DPCD: variants seen among roughly 807,000 people sequenced by gnomAD.
DPCD encodes the protein deleted in primary ciliary dyskinesia homolog (mouse).
In DPCD, 20 loss-of-function variants were observed where a neutral mutation model predicts 26.4. That is an observed-to-expected ratio of 0.76 (90% CI 0.53 to 1.10). DPCD has a LOEUF of 1.10. Among genes scored for constraint, DPCD ranks in the 50% least tolerant of loss-of-function variants. The pLI is 0.00. For missense variants in DPCD, 202 were observed against 253.9 expected (o/e 0.80, Z 1.39); for synonymous variants, 97 against 94.2 (o/e 1.03, Z -0.17).
chr10:101,592,035 C>G (rs943558379), intron 1 of DPCD, among the ~76,000 whole-genome samples: 2 of 151,888 alleles, frequency 1.3e-5, no homozygotes, highest in Non-Finnish European at 2.9e-5. Context: ...CATGCATACA[C>G]TCACAGTTAT....
chr10:101,605,160 T>C, intron 4 of DPCD: 2 of 1,550,566 alleles, frequency 1.3e-6, no homozygotes, highest in Non-Finnish European at 8.7e-7. Context: ...TGGAGGCTTC[T>C]CTGGACCCCT....
At chr10:101,596,335 G>A (rs962668258) in intron 2 of DPCD, among the ~76,000 whole-genome samples, 65 of 152,232 alleles carry the variant, frequency 4.3e-4, no homozygotes, top group African/African-American at 1.5e-3. Flanking sequence ...AGTGCTCTAC[G>A]TGAATTACCT....
At chr10:101,594,985 C>T (rs1041124141) in intron 2 of DPCD, among the ~76,000 whole-genome samples, 8 of 152,020 alleles carry the variant, frequency 5.3e-5, no homozygotes, top group Non-Finnish European at 1.2e-4. Flanking sequence ...GGGAGTAATT[C>T]TAAGATGTAG....
At chr10:101,605,576 C>T (rs1160093930) in intron 4 of DPCD, among the ~76,000 whole-genome samples, 1 of 152,210 alleles carries the variant, frequency 6.6e-6, no homozygotes, top group Non-Finnish European at 1.5e-5. Flanking sequence ...AGTTCTGCTA[C>T]AAGCCTTTAC....
intron 4 of DPCD, among the ~76,000 whole-genome samples, chr10:101,605,777 C>T (rs1226806163): frequency 1.3e-5 from 2 of 152,080 alleles, no homozygotes; most frequent in South Asian, 2.1e-4. Context: ...TAGACTATGG[C>T]GGGCTATTAC....
In DPCD at chr10:101,608,863, C is replaced by G. The variant is rs140479530; in HGVS notation, c.433C>G (p.Leu145Val). The G allele has an allele frequency of 6.2e-7, 1 of 1,613,830 alleles. No homozygotes were observed. Among genetic ancestry groups the G allele is most frequent in the South Asian group, 1.1e-5 (1 of 91,054 alleles). Residue 145 changes from leucine (L) to valine (V), a missense_variant, in exon 5 of 6, where the codon CTA (leucine) becomes GTA (valine). Transcript: ENST00000370151. The stretch of plus-strand genomic sequence containing the variant: ...CTACAAGAAGTTCTCCATTCCTGAT[C>G]TAGATAGACACCAGCTACCTCTGGA... The part of the protein sequence containing the change: ...KYYKKFSIPD[L>V]DRHQLPLDDA...
chr10:101,589,698 A>T (rs1442014534), intron 1 of DPCD, among the ~76,000 whole-genome samples: 3 of 152,156 alleles, frequency 2.0e-5, no homozygotes, highest in African/African-American at 7.2e-5. Context: ...AGCCAACATG[A>T]TGAAACCACC....
chr10:101,594,716 C>G lies in DPCD; in HGVS notation c.123C>G (p.Asp41Glu). ...PDGKEMAEEY[D>E]EKTSELLVRK... ...GCAAGGAAATGGCTGAAGAATATGA[C>G]GAGAAGACGAGTGAACTACTTGGTA... The change falls in exon 2 of 6, where the codon GAC becomes GAG. Residue 41 changes from aspartate (D) to glutamate (E), a missense_variant. This residue lies in a region of DPCD where 37 missense variants were observed against 76.0 expected (regional missense o/e 0.49). Coordinates refer to ENST00000370151, the MANE Select transcript of DPCD (RefSeq NM_015448.3). The G allele has an allele frequency of 1.2e-6, 2 of 1,614,132 alleles. No individual in the cohort carries two copies. The highest frequency in any genetic ancestry group is 1.3e-5 in the African/African-American group (1 of 75,018).
rs770660009 is a variant in DPCD at position 101,588,386 on chromosome 10, C to T, written c.50C>T (p.Ala17Val). 6.3e-7 allele frequency: 1 copy of T among 1,596,144 alleles called. No individual in the cohort carries two copies. The highest frequency in any genetic ancestry group is 1.7e-5 in the Admixed American group (1 of 58,032). The change falls in exon 1 of 6, where the codon GCG becomes GTG. Residue 17 changes from alanine (A) to valine (V), a missense_variant. Around this residue, in one of 3 missense-constraint regions of DPCD, gnomAD observed 47 missense variants for 32.8 expected, o/e 1.43. Coordinates refer to ENST00000370151, the MANE Select transcript of DPCD (RefSeq NM_015448.3). The part of the protein sequence containing the change: ...LESLRTAQKT[A>V]LLQDGRRKVH... ...AGTCTGCGGACAGCCCAGAAGACTG[C>T]GCTGCTGCAGGACGGTAACTCGAGG...
At chr10:101,591,113 G>T (rs2063603842) in intron 1 of DPCD, among the ~76,000 whole-genome samples, 1 of 152,160 alleles carries the variant, frequency 6.6e-6, no homozygotes, top group Non-Finnish European at 1.5e-5. Flanking sequence ...TGGAAGAGGT[G>T]GGCACAGAGG....
rs1455721224 is a variant in DPCD, at chr10:101,600,207, T to G, written c.146-531T>G. Among the ~76,000 whole-genome samples the G allele has an allele frequency of 6.6e-6, 1 of 152,210 alleles. No individual in the cohort carries two copies. Among genetic ancestry groups the G allele is most frequent in the Non-Finnish European group, 1.5e-5 (1 of 68,036 alleles). On this transcript the variant is annotated intron_variant, in intron 2 of 5. Coordinates refer to ENST00000370151, the MANE Select transcript of DPCD (RefSeq NM_015448.3). This position sits in a 1 kb window ranked among gnomAD's most constrained non-coding sequence, Gnocchi z 4.7. ...GAGCGTTTTTTTGTTTTTGCTTTTT[T>G]CTTTTTTTTTAAGCAAGGTATACCT...
chr10:101,608,411 G>A (rs148752136), intron 4 of DPCD, among the ~76,000 whole-genome samples: 365 of 152,360 alleles, frequency 2.4e-3, no homozygotes, highest in Middle Eastern at 6.8e-3. Context: ...AGCTTTGGGA[G>A]ACAGATCTGA....
chr10:101,601,377 C>T (rs774967425), intron 4 of DPCD, 41 bp downstream of exon 4: 11 of 1,567,490 alleles, frequency 7.0e-6, no homozygotes, highest in African/African-American at 1.4e-5. Context: ...TGTGTATGAG[C>T]GGGGTGTAGG....
intron 2 of DPCD, among the ~76,000 whole-genome samples, chr10:101,599,813 A>G (rs1008833984): frequency 2.6e-5 from 4 of 152,178 alleles, no homozygotes; most frequent in African/African-American, 9.7e-5. Flanking sequence ...TGGGCTCCTC[A>G]GGCTGGAGGA....
At position 101,603,788 on chromosome 10, in the gene DPCD, A is replaced by G. The variant is rs1034267692; in HGVS notation, c.404+2452A>G. On this transcript the variant is annotated intron_variant, in intron 4 of 5. Coordinates refer to ENST00000370151, the MANE Select transcript of DPCD (RefSeq NM_015448.3). This position sits in a 1 kb window ranked among gnomAD's most constrained non-coding sequence, Gnocchi z 4.6. ...AAAAAAAGAGATGGAGTCTTGCCCT[A>G]TTGCCCAGGCTAGAGTCCACTTCTT... is the stretch of plus-strand genomic sequence containing the variant. 6.6e-6 allele frequency among the ~76,000 whole-genome samples: 1 copy of G among 151,394 alleles called. No individual in the cohort carries two copies. The highest frequency in any genetic ancestry group is 2.4e-5 in the African/African-American group (1 of 41,216).
intron 4 of DPCD, among the ~76,000 whole-genome samples, chr10:101,601,726 C>T (rs2063700256): frequency 6.6e-6 from 1 of 152,020 alleles, no homozygotes; most frequent in Non-Finnish European, 1.5e-5. Flanking sequence ...ACTGTCAGAG[C>T]TGGCAGGGAG....
intron 1 of DPCD, 44 bp from the exon 2 acceptor site, chr10:101,594,614 C>T (rs1251335430): frequency 4.4e-6 from 7 of 1,594,544 alleles, no homozygotes; most frequent in Admixed American, 1.7e-5. Flanking sequence ...AGGGACAGGG[C>T]AAGGGGAGAC....
intron 1 of DPCD, among the ~76,000 whole-genome samples, chr10:101,590,582 CTTTTTTT>C (rs763711189): frequency 2.5e-5 from 3 of 121,580 alleles, no homozygotes; most frequent in African/African-American, 9.0e-5. Flanking sequence ...AACGGAAATT[CTTTTTTT>C]TTTTTTTTTT....
intron 2 of DPCD, among the ~76,000 whole-genome samples, chr10:101,597,650 A>T (rs2063663812): frequency 6.6e-6 from 1 of 152,232 alleles, no homozygotes; most frequent in Non-Finnish European, 1.5e-5. Flanking sequence ...CTCTTTTCCA[A>T]GGTCTGGCTG....
Sources: allele counts gnomAD v4.1 joint callset (sites outside exome capture counted in the v4.1 genomes callset), GRCh38; gene constraint gnomAD v4.1.1; regional missense constraint gnomAD v4.1.1; non-coding constraint Gnocchi (gnomAD v3.1); transcripts MANE v1.5; gene names NCBI Gene and HGNC (gene_info 2026-07-23, HGNC 2026-07-21).